VCAN: variants seen among roughly 807,000 people sequenced by gnomAD.
VCAN encodes the protein versican.
In VCAN, 44 loss-of-function variants were observed where a neutral mutation model predicts 245.5. That is an observed-to-expected ratio of 0.18 (90% CI 0.14 to 0.23). The LOEUF (loss-of-function observed/expected upper bound fraction) is 0.23, where lower values mean the gene tolerates loss of function less well. VCAN is among the 10% of genes least tolerant of loss of function. VCAN has a pLI of 1.00. For synonymous variants in VCAN, 1,413 were observed against 1,437.0 expected (o/e 0.98, Z 0.38); for missense variants, 3,793 against 4,057.9 (o/e 0.93, Z 1.77).
Position 83,538,180 on chromosome 5 carries a change from A to G in VCAN, c.5177A>G (p.Lys1726Arg), listed in dbSNP as rs1158287037. Reference protein sequence around the residue: ...SSTTVEEKKRKEEEGTTGTAS... With the variant: ...SSTTVEEKKRREEEGTTGTAS... Reference sequence around the variant, plus strand: ...ACCACTGTTGAGGAAAAGAAAAGGAAGGAGGAGGAGGGAACTACAGGTACG... The same window carrying G: ...ACCACTGTTGAGGAAAAGAAAAGGAGGGAGGAGGAGGGAACTACAGGTACG... The change falls in exon 8 of 15, where the codon AAG (lysine) becomes AGG (arginine). Residue 1726 changes from lysine to arginine, a missense_variant. This residue lies in a region of VCAN where 3,182 missense variants were observed against 3,250.3 expected (regional missense o/e 0.98). Coordinates refer to ENST00000265077, the MANE Select transcript of VCAN (RefSeq NM_004385.5). 1 of 1,613,838 alleles carries G rather than the reference A, an allele frequency of 6.2e-7. No homozygotes were observed. The highest frequency in any genetic ancestry group is 8.5e-7 in the Non-Finnish European group (1 of 1,179,964).
intron 11 of VCAN, among the ~76,000 whole-genome samples, chr5:83,554,642 T>A (rs906804314): frequency 6.6e-6 from 1 of 152,114 alleles, no homozygotes; most frequent in Non-Finnish European, 1.5e-5. Context: ...AGAAAATTTC[T>A]ATCATAAAAA....
chr5:83,577,105 T>C (rs1315502179), intron 13 of VCAN, among the ~76,000 whole-genome samples: 1 of 152,128 alleles, frequency 6.6e-6, no homozygotes. Flanking sequence ...TAATCTTTTT[T>C]GTGTTTTAAG....
chr5:83,520,137 A>G lies in VCAN; in HGVS notation c.1831A>G (p.Met611Val), dbSNP rs369865559. 3.8e-5 allele frequency: 62 copies of G among 1,614,048 alleles called. No homozygotes were observed. In the East Asian group the frequency reaches 5.1e-4, roughly 13 times the overall value. Residue 611 changes from methionine to valine, a missense_variant, in exon 7 of 15, where the codon ATG (methionine) becomes GTG (valine). Transcript: ENST00000265077. ...SASTTVSPLI[M>V]PDNNGSSMDD... ...ATCCACAACTGTTTCCCCTTTAATT[A>G]TGCCTGATAATAATGGATCATCCAT...
rs377124817 is a variant in VCAN, at chr5:83,480,554, G to C, written c.-6-2959G>C. 4.3e-4 allele frequency among the ~76,000 whole-genome samples: 66 copies of C among 152,298 alleles called. No individual in the cohort carries two copies. The South Asian group carries it at 0.011, about 26-fold the overall frequency. ...CAAAGGTGTTTCTGCATAAGAAATA[G>C]AGGCGTTGATCATGTATTTGATCTA... On this transcript the variant is annotated intron_variant, in intron 1 of 14. Coordinates refer to ENST00000265077, the MANE Select transcript of VCAN (RefSeq NM_004385.5).
chr5:83,530,430 A>C (rs551930527), intron 7 of VCAN, among the ~76,000 whole-genome samples: 3 of 152,272 alleles, frequency 2.0e-5, no homozygotes, highest in Non-Finnish European at 4.4e-5. Context: ...TGAATAAAAA[A>C]TGTACTCACA....
chr5:83,569,098 G>A (rs1748188599), intron 12 of VCAN, among the ~76,000 whole-genome samples: 1 of 152,044 alleles, frequency 6.6e-6, no homozygotes, highest in Admixed American at 6.6e-5. Context: ...TTGAACATAT[G>A]TTTACTCTAT....
chr5:83,555,289 A>C (rs1027395359), intron 12 of VCAN, among the ~76,000 whole-genome samples: 2 of 152,174 alleles, frequency 1.3e-5, no homozygotes, highest in African/African-American at 4.8e-5. Flanking sequence ...AAAACCAGAC[A>C]ATTAGTAGAA....
chr5:83,533,423 A>T (rs1196770159), intron 7 of VCAN, among the ~76,000 whole-genome samples: 1 of 152,060 alleles, frequency 6.6e-6, no homozygotes, highest in Non-Finnish European at 1.5e-5. Context: ...AGAGAGAGAG[A>T]GGAAGGGGGC....
In VCAN at chr5:83,495,180, A is replaced by G. The variant is rs1288329829; in HGVS notation, c.748+1249A>G. On this transcript the variant is annotated intron_variant, in intron 5 of 14. Coordinates refer to ENST00000265077, the MANE Select transcript of VCAN (RefSeq NM_004385.5). ...GAATTTTCTTATGTTTAAAATGAGG[A>G]GGCTGGACTAGATAATTTCTATGGT... is the stretch of plus-strand genomic sequence containing the variant. Among the ~76,000 whole-genome samples the G allele has an allele frequency of 3.3e-5, 5 of 152,324 alleles. No individual in the cohort carries two copies. In the East Asian group the frequency reaches 9.6e-4, roughly 29 times the overall value.
Position 83,541,358 on chromosome 5 carries a change from C to G in VCAN, c.8355C>G (p.Thr2785=). 1 of 1,614,062 alleles carries G rather than the reference C, an allele frequency of 6.2e-7. No individual in the cohort carries two copies. Among genetic ancestry groups the G allele is most frequent in the Non-Finnish European group, 8.5e-7 (1 of 1,179,978 alleles). Residue 2785 remains threonine, a synonymous_variant, in exon 8 of 15, where the codon ACC becomes ACG. Transcript: ENST00000265077. ...CTCCCTATCTAAGTATTGCTACTAC[C>G]CACCTTATGGATCAGAGTGTAACAG... ...DHTPYLSIAT[T]HLMDQSVTEV...
Position 83,537,998 on chromosome 5 carries a change from T to C in VCAN, c.4995T>C (p.Thr1665=). 2 of 1,614,010 alleles carry C rather than the reference T, an allele frequency of 1.2e-6. No homozygotes were observed. The highest frequency in any genetic ancestry group is 2.2e-5 in the East Asian group (1 of 44,852). The change falls in exon 8 of 15, where the codon ACT becomes ACC. Residue 1665 remains threonine, a synonymous_variant. Coordinates refer to ENST00000265077, the MANE Select transcript of VCAN (RefSeq NM_004385.5). ...MVTDLSQRNT[T]DTLITLDTSR... is the part of the protein sequence containing the mutation. ...CTGATTTATCACAGAGAAATACTAC[T>C]GATACACTCATTACTTTAGACACTA...
chr5:83,494,520 T>TATA (rs1371978546), intron 5 of VCAN, among the ~76,000 whole-genome samples: 1 of 152,224 alleles, frequency 6.6e-6, no homozygotes, highest in Non-Finnish European at 1.5e-5. Context: ...TCAGTTAAGA[T>TATA]ATAGCCCTTC....
chr5:83,577,683 ATAT>A (rs1366254011), intron 13 of VCAN, among the ~76,000 whole-genome samples: 16 of 152,308 alleles, frequency 1.1e-4, no homozygotes, highest in Non-Finnish European at 2.2e-4. Context: ...TCTTATATTT[ATAT>A]ATTTCAACCA....
chr5:83,508,955 A>G (rs1197797270), intron 5 of VCAN, among the ~76,000 whole-genome samples: 1 of 152,214 alleles, frequency 6.6e-6, no homozygotes, highest in African/African-American at 2.4e-5. Context: ...AGTTGAGGAC[A>G]GAGTGTGCTA....
Position 83,519,803 on chromosome 5 carries a change from A to G in VCAN, c.1497A>G (p.Val499=). ...AACAAATAGAAGTGGGTCCTTTGGT[A>G]ACATCTATGGAAATCTTAAAGCACA... is the stretch of plus-strand genomic sequence containing the variant. The part of the protein sequence containing the change: ...QIEQIEVGPL[V]TSMEILKHIP... The change falls in exon 7 of 15, where the codon GTA becomes GTG. Residue 499 remains valine, a synonymous_variant. Coordinates refer to ENST00000265077, the MANE Select transcript of VCAN (RefSeq NM_004385.5). The G allele has an allele frequency of 1.9e-6, 3 of 1,614,162 alleles. No individual in the cohort carries two copies. Among genetic ancestry groups the G allele is most frequent in the South Asian group, 1.1e-5 (1 of 91,092 alleles).
chr5:83,544,153 G>T (rs1334412538), intron 8 of VCAN, among the ~76,000 whole-genome samples: 1 of 152,238 alleles, frequency 6.6e-6, no homozygotes, highest in Non-Finnish European at 1.5e-5. Context: ...TGTGTTAACT[G>T]CAGCCTTGTC....
At chr5:83,506,547 C>T (rs1745489465) in intron 5 of VCAN, among the ~76,000 whole-genome samples, 1 of 152,134 alleles carries the variant, frequency 6.6e-6, no homozygotes, top group Non-Finnish European at 1.5e-5. Context: ...TGGGCAAAGC[C>T]ATTCAACAAG....
chr5:83,480,120 T>C (rs917076082), intron 1 of VCAN, among the ~76,000 whole-genome samples: 16 of 152,218 alleles, frequency 1.1e-4, no homozygotes, highest in Non-Finnish European at 2.2e-4. Flanking sequence ...AATTTTTAAA[T>C]TGAGTAACTT....
At chr5:83,529,429 G>A (rs989590055) in intron 7 of VCAN, among the ~76,000 whole-genome samples, 11 of 150,644 alleles carry the variant, frequency 7.3e-5, no homozygotes, top group Non-Finnish European at 1.5e-4. Context: ...TAACTATATA[G>A]CATTTACATT....
Sources: allele counts gnomAD v4.1 joint callset (sites outside exome capture counted in the v4.1 genomes callset), GRCh38; gene constraint gnomAD v4.1.1; regional missense constraint gnomAD v4.1.1; transcripts MANE v1.5; gene names NCBI Gene and HGNC (gene_info 2026-07-23, HGNC 2026-07-21).